The following NKX2-2 variants were observed in gnomAD, a reference collection of about 807,000 sequenced individuals.
NKX2-2 encodes the protein homeobox protein Nkx-2.2.
A neutral mutation model predicts 24.6 loss-of-function variants in NKX2-2; 8 were observed. The ratio of observed to expected loss-of-function variants is 0.32; its 90% CI spans 0.19 to 0.59. NKX2-2 has a LOEUF of 0.59. NKX2-2 is among the 20% of genes least tolerant of loss of function. The probability of loss-of-function intolerance (pLI) is 0.86; values close to 1 mark genes in which losing one functional copy is unlikely to be tolerated. For synonymous variants in NKX2-2, 217 were observed against 173.3 expected (o/e 1.25, Z -1.98); for missense variants, 381 against 373.9 (o/e 1.02, Z -0.16).
rs1980468209 is a variant in NKX2-2, at chr20:21,512,351, G to T, written c.394C>A (p.Arg132=). 1 of 1,610,894 alleles carries T rather than the reference G, an allele frequency of 6.2e-7. No homozygotes were observed. The highest frequency in any genetic ancestry group is 2.2e-5 in the East Asian group (1 of 44,786). The stretch of plus-strand genomic sequence containing the variant: ...GTCTGCGCCTTGGAGAAAAGCACTC[G>T]CCGCTTTCGCTTCTTGCCGGCGTCC... ...GGDAGKKRKR[R]VLFSKAQTYE... is the part of the protein sequence containing the mutation. Residue 132 remains arginine, a synonymous_variant, in exon 2 of 2, where the codon CGA becomes AGA. Transcript: ENST00000377142.
upstream of NKX2-2, among the ~76,000 whole-genome samples, chr20:21,515,308 C>T (rs930833562): frequency 2.6e-5 from 4 of 152,016 alleles, no homozygotes; most frequent in Admixed American, 2.6e-4. Flanking sequence ...TGGGTGAAGA[C>T]CCAGAAAGCT....
the NKX2-2 span, among the ~76,000 whole-genome samples, chr20:21,522,326 G>T: frequency 1.4e-3 from 217 of 152,274 alleles, no homozygotes; most frequent in Non-Finnish European, 2.1e-3. Flanking sequence ...GCTCGGCGGC[G>T]ACGACGGTGC....
Position 21,513,977 on chromosome 20 carries a change from A to G in NKX2-2, c.-308T>C. ...GCCGCGGGCCCCGGCCTTAGTTTCT[A>G]ACTCCAGGAGGGGTGCCAAGGCGGC... On this transcript the variant is annotated 5_prime_UTR_variant, in exon 1 of 2. Coordinates refer to ENST00000377142, the MANE Select transcript of NKX2-2 (RefSeq NM_002509.4). This position sits in a 1 kb window ranked among gnomAD's most constrained non-coding sequence, Gnocchi z 4.6. The G allele has an allele frequency of 4.9e-6, 1 of 204,884 alleles. No homozygotes were observed. The highest frequency in any genetic ancestry group is 1.2e-4 in the East Asian group (1 of 8,580). The allele number at this position is 204,884 out of a possible 1,614,324, so 12.7% of individuals were successfully genotyped here. A position where few individuals can be genotyped will look rare whatever the true frequency, so the allele number is the denominator to read the frequency against.
chr20:21,517,013 G>C (rs1452636459), upstream of NKX2-2, among the ~76,000 whole-genome samples: 1 of 152,202 alleles, frequency 6.6e-6, no homozygotes, highest in Non-Finnish European at 1.5e-5. Context: ...AGCCTGCAAG[G>C]TCCGCAGAGC....
upstream of NKX2-2, among the ~76,000 whole-genome samples, chr20:21,518,840 T>C (rs928452291): frequency 6.6e-6 from 1 of 152,228 alleles, no homozygotes; most frequent in Non-Finnish European, 1.5e-5. Context: ...GAGCCTTTCT[T>C]GTGCCTGTGG....
At chr20:21,522,640 G>C in the NKX2-2 span, among the ~76,000 whole-genome samples, 1 of 151,828 alleles carries the variant, frequency 6.6e-6, no homozygotes, top group South Asian at 2.1e-4. Context: ...CCCGAGTCGC[G>C]GGCGGCTGCG....
the NKX2-2 span, among the ~76,000 whole-genome samples, chr20:21,522,200 C>G: frequency 1.3e-5 from 2 of 152,230 alleles, no homozygotes; most frequent in Non-Finnish European, 2.9e-5. Flanking sequence ...TTCGGAGGCC[C>G]GCACTTGCCC....
At position 21,512,391 on chromosome 20, in the gene NKX2-2, G is replaced by A. The variant is rs1166990893; in HGVS notation, c.354C>T (p.Thr118=). 6.2e-7 allele frequency: 1 copy of A among 1,600,776 alleles called. No individual in the cohort carries two copies. The highest frequency in any genetic ancestry group is 8.5e-7 in the Non-Finnish European group (1 of 1,175,830). Residue 118 remains threonine, a synonymous_variant, in exon 2 of 2, where the codon ACC becomes ACT. Coordinates refer to ENST00000377142, the MANE Select transcript of NKX2-2 (RefSeq NM_002509.4). The part of the protein sequence containing the change: ...ADESPDNDKE[T]PGGGGDAGKK... ...TGCCGGCGTCCCCCCCGCCGCCCGG[G>A]GTCTCCTTGTCATTGTCCGGTGACT... is the stretch of plus-strand genomic sequence containing the variant.
At chr20:21,514,370 G>A (rs1044629509), upstream of NKX2-2, among the ~76,000 whole-genome samples, 1 of 151,808 alleles carries the variant, frequency 6.6e-6, no homozygotes, top group African/African-American at 2.4e-5. Context: ...GAGGTGTAAC[G>A]TGTCAATTAA....
chr20:21,515,449 T>C (rs1317773115), upstream of NKX2-2, among the ~76,000 whole-genome samples: 1 of 152,192 alleles, frequency 6.6e-6, no homozygotes, highest in Admixed American at 6.5e-5. Flanking sequence ...CGCTCCACGT[T>C]TCCAGGTTAA....
chr20:21,512,947 A>G (rs1460782871), intron 1 of NKX2-2, among the ~76,000 whole-genome samples: 3 of 152,144 alleles, frequency 2.0e-5, no homozygotes, highest in African/African-American at 7.2e-5. Context: ...TGCACTGCAC[A>G]AAGCGTCCTC....
upstream of NKX2-2, among the ~76,000 whole-genome samples, chr20:21,515,700 C>T (rs1298348020): frequency 6.6e-6 from 1 of 152,122 alleles, no homozygotes; most frequent in South Asian, 2.1e-4. Context: ...GCACAGAAGG[C>T]CACCCCTGCG....
upstream of NKX2-2, among the ~76,000 whole-genome samples, chr20:21,515,343 G>A (rs1980605144): frequency 2.0e-5 from 3 of 152,242 alleles, no homozygotes; most frequent in South Asian, 6.2e-4. Flanking sequence ...TCGCTGGGTG[G>A]CCCGACGATG....
rs1980417337 is a variant in NKX2-2, at chr20:21,511,278, C to G, written c.*645G>C. ...AAACAAAAACAAAACAAAAAACAAA[C>G]CCAAACAAGCCACAAAGAAAGGAGT... On this transcript the variant is annotated 3_prime_UTR_variant, in exon 2 of 2. Transcript: ENST00000377142. The G allele has an allele frequency of 1.3e-5, 1 of 78,482 alleles. No homozygotes were observed. Among genetic ancestry groups the G allele is most frequent in the Non-Finnish European group, 2.6e-5 (1 of 38,162 alleles). The allele number at this position is 78,482 out of a possible 1,614,324, so 4.9% of individuals were successfully genotyped here.
the NKX2-2 span, among the ~76,000 whole-genome samples, chr20:21,520,459 T>A: frequency 6.6e-6 from 1 of 152,242 alleles, no homozygotes; most frequent in African/African-American, 2.4e-5. Context: ...TGTGTGGGCA[T>A]AAGACCCTGC....
chr20:21,518,044 C>G (rs1980685204), upstream of NKX2-2, among the ~76,000 whole-genome samples: 1 of 152,188 alleles, frequency 6.6e-6, no homozygotes, highest in Admixed American at 6.5e-5. Flanking sequence ...AGTTCAATGT[C>G]CTCCGTTCCG....
Position 21,513,760 on chromosome 20 carries a change from G to T in NKX2-2, c.-91C>A. 1 of 472,008 alleles carries T rather than the reference G, an allele frequency of 2.1e-6. No homozygotes were observed. The highest frequency in any genetic ancestry group is 1.1e-4 in the East Asian group (1 of 9,384). The allele number at this position is 472,008 out of a possible 1,614,324, so 29.2% of individuals were successfully genotyped here. A position where few individuals can be genotyped will look rare whatever the true frequency, so the allele number is the denominator to read the frequency against. On this transcript the variant is annotated 5_prime_UTR_variant, in exon 1 of 2. Coordinates refer to ENST00000377142, the MANE Select transcript of NKX2-2 (RefSeq NM_002509.4). This position sits in a 1 kb window ranked among gnomAD's most constrained non-coding sequence, Gnocchi z 4.6. ...CTGCCCCGGCGGGCGGGGGAGGGGG[G>T]AGTTGGGGGGAGGGACTGGGGGAGG...
Position 21,512,488 on chromosome 20 carries a change from G to T in NKX2-2, c.260-3C>A. On this transcript the variant is annotated splice_region_variant and splice_polypyrimidine_tract_variant and intron_variant, in intron 1 of 1. Transcript: ENST00000377142. ...CGCCCCGGCAGCCAGACCGTGCACT[G>T]GGGGGAGGGGGAGAGAGAAGCGCGT... 6.5e-7 allele frequency: 1 copy of T among 1,549,300 alleles called. No homozygotes were observed. The highest frequency in any genetic ancestry group is 2.3e-5 in the East Asian group (1 of 43,892).
In NKX2-2 at chr20:21,513,588, C is replaced by T; in HGVS notation, c.82G>A (p.Val28Met). The change falls in exon 1 of 2, where the codon GTG becomes ATG. Residue 28 changes from valine (V) to methionine (M), a missense_variant. Val to Met is a conservative substitution (Grantham distance 21). Transcript: ENST00000377142. The surrounding 1 kb of genome is among the most constrained non-coding windows in gnomAD (Gnocchi z 4.6). ...TTCTCTTCCTCCGGACCTTCGGCCACAGAGCCCTCCTCATCGTTGGTGTCC... is the reference window on the plus strand; with the variant it reads ...TTCTCTTCCTCCGGACCTTCGGCCATAGAGCCCTCCTCATCGTTGGTGTCC... Reference protein sequence around the residue: ...LPDTNDEEGSVAEGPEEENEG... With the variant: ...LPDTNDEEGSMAEGPEEENEG... 6.2e-7 allele frequency: 1 copy of T among 1,613,542 alleles called. No homozygotes were observed. Among genetic ancestry groups the T allele is most frequent in the Non-Finnish European group, 8.5e-7 (1 of 1,179,736 alleles).
Sources: gnomAD v4.1 joint callset for allele counts (sites outside exome capture counted in the v4.1 genomes callset) on GRCh38, gnomAD v4.1.1 for gene constraint, Gnocchi (gnomAD v3.1) non-coding constraint, MANE v1.5 for transcripts, NCBI Gene and HGNC (gene_info 2026-07-23, HGNC 2026-07-21) for gene names.